Variants in MIB2 observed in about 807,000 individuals in gnomAD.
MIB2 encodes the protein MIB E3 ubiquitin protein ligase 2.
In MIB2, 78 loss-of-function variants were observed where a neutral mutation model predicts 96.6. The observed-to-expected ratio is 0.81, with a 90% CI of 0.67 to 0.97. The LOEUF is 0.97. Ranked by LOEUF, MIB2 falls within the 50% of genes least tolerant of loss-of-function variation. The pLI, the probability that MIB2 is intolerant of heterozygous loss-of-function variation, is 0.00. For missense variants in MIB2, 1,543 were observed against 1,424.0 expected (o/e 1.08, Z -1.35); for synonymous variants, 820 against 629.5 (o/e 1.30, Z -4.53).
At position 1,630,346 on chromosome 1, in the gene MIB2, TGGAGGAGCTGC is replaced by T; in HGVS notation, c.2685_2695del (p.Glu897ProfsTer?). On this transcript the variant is annotated frameshift_variant, in exon 20 of 20. Transcript: ENST00000355826. LOFTEE classifies it high-confidence loss of function. ...GCCCCCGGCCCGCCGCGCCAGCTGG[TGGAGGAGCTGC>T]AGAGCCGCTACCGGCAGATGGAGGA... The T allele has an allele frequency of 7.8e-7, 1 of 1,282,430 alleles. No individual in the cohort carries two copies. Among genetic ancestry groups the T allele is most frequent in the Non-Finnish European group, 1.0e-6 (1 of 983,220 alleles). The allele number at this position is 1,282,430 out of a possible 1,614,324, so 79.4% of individuals were successfully genotyped here. A position where few individuals can be genotyped will look rare whatever the true frequency, so the allele number is the denominator to read the frequency against.
At position 1,616,606 on chromosome 1, in the gene MIB2, G is replaced by A. The variant is rs1310094551; in HGVS notation, c.-31G>A. ...AGGCGGCCCGGCGGGCGACTGGACG[G>A]CCGGACAGGTGAGCTCTTGATCGTC... On this transcript the variant is annotated 5_prime_UTR_variant, in exon 2 of 20. Transcript: ENST00000355826. 1.3e-6 allele frequency: 2 copies of A among 1,593,146 alleles called. No individual in the cohort carries two copies. Among genetic ancestry groups the A allele is most frequent in the African/African-American group, 1.3e-5 (1 of 74,160 alleles).
rs1041322667 is a variant in MIB2, at chr1:1,623,483, G to T, written c.31G>T (p.Val11Leu). 1 of 1,584,106 alleles carries T rather than the reference G, an allele frequency of 6.3e-7. No individual in the cohort carries two copies. The change falls in exon 3 of 20, where the codon GTG becomes TTG. Residue 11 changes from valine to leucine, a missense_variant. By Grantham distance (32) the Val-to-Leu change is conservative (BLOSUM62 1). Transcript: ENST00000355826. ...CCCAGACCCCCAGGCGGGCGTGCAG[G>T]TGGGCATGCGGGTGGTGCGCGGCGT... The part of the protein sequence containing the change: MDPDPQAGVQ[V>L]GMRVVRGVDW...
chr1:1,626,951 G>C lies in MIB2; in HGVS notation c.1192G>C (p.Glu398Gln). ...CTCCTGCCTGGTGGCCTACCGGCCC[G>C]AGGAGGATGCCAACCTGGACGTGGC... ...SPSCLVAYRP[E>Q]EDANLDVAER... The change falls in exon 10 of 20, where the codon GAG becomes CAG. Residue 398 changes from glutamate to glutamine, a missense_variant. Coordinates refer to ENST00000355826, the MANE Select transcript of MIB2 (RefSeq NM_001170687.4). This position sits in a 1 kb window ranked among gnomAD's most constrained non-coding sequence, Gnocchi z 5.3. 5 of 1,611,206 alleles carry C rather than the reference G, an allele frequency of 3.1e-6. No individual in the cohort carries two copies. Among genetic ancestry groups the C allele is most frequent in the Non-Finnish European group, 4.2e-6 (5 of 1,179,574 alleles).
At chr1:1,614,330 C>T (rs1643416446), upstream of MIB2, 1 of 152,270 alleles carries the variant, frequency 6.6e-6, no homozygotes. Flanking sequence ...GGACTTACTG[C>T]AGGGAAATTC....
At chr1:1,623,321 G>C (rs910280690) in intron 2 of MIB2, 110 bp from the exon 3 acceptor site, 2 of 1,475,556 alleles carry the variant, frequency 1.4e-6, no homozygotes, top group African/African-American at 2.9e-5. Flanking sequence ...GGGCCTCTCT[G>C]CTCTCCCGCG....
chr1:1,616,048 C>T (rs111715097), intron 1 of MIB2: 340,421 of 984,022 alleles, frequency 0.35, 62,633 homozygotes, highest in Non-Finnish European at 0.38. Context: ...CGGTCCCGCG[C>T]CCCCGAGCGG....
At position 1,625,709 on chromosome 1, in the gene MIB2, T is replaced by C. The variant is rs1244159192; in HGVS notation, c.972+56T>C. On this transcript the variant is annotated intron_variant, in intron 8 of 19. Transcript: ENST00000355826. This position sits in a 1 kb window ranked among gnomAD's most constrained non-coding sequence, Gnocchi z 5.0. ...GCTTGCTTCTGTAACCCCTTCCACG[T>C]ACCCCCTTGGCCTTGGGGGGTCAGG... is the stretch of plus-strand genomic sequence containing the variant. 8 of 1,429,382 alleles carry C rather than the reference T, an allele frequency of 5.6e-6. No individual in the cohort carries two copies. Among genetic ancestry groups the C allele is most frequent in the Admixed American group, 2.0e-5 (1 of 50,276 alleles). The allele number at this position is 1,429,382 out of a possible 1,614,324, so 88.5% of individuals were successfully genotyped here. A position where few individuals can be genotyped will look rare whatever the true frequency, so the allele number is the denominator to read the frequency against.
At position 1,625,622 on chromosome 1, in the gene MIB2, G is replaced by A. The variant is rs1310519365; in HGVS notation, c.941G>A (p.Arg314His). The stretch of plus-strand genomic sequence containing the variant: ...CGCGTGCAGTTCAACCACGAGACGC[G>A]CTGGACCTTCCACCCCGGGGCGCTC... ...DVRVQFNHET[R>H]WTFHPGALTK... The change falls in exon 8 of 20, where the codon CGC (arginine) becomes CAC (histidine). Residue 314 changes from arginine to histidine, a missense_variant. Arg to His is a conservative substitution (Grantham distance 29). Transcript: ENST00000355826. This position sits in a 1 kb window ranked among gnomAD's most constrained non-coding sequence, Gnocchi z 5.0. 7.0e-6 allele frequency: 11 copies of A among 1,570,822 alleles called. No individual in the cohort carries two copies. The highest frequency in any genetic ancestry group is 2.4e-5 in the East Asian group (1 of 42,400).
In MIB2 at chr1:1,628,299, C is replaced by G. The variant is rs746526676; in HGVS notation, c.1868C>G (p.Ala623Gly). 2.5e-6 allele frequency: 4 copies of G among 1,612,978 alleles called. No homozygotes were observed. The highest frequency in any genetic ancestry group is 3.4e-6 in the Non-Finnish European group (4 of 1,179,960). ...GCTGTGAGAAAGATTCTGGCTCGGG[C>G]GCGGCAGCTGGTGGACGCCAAGAAG... The part of the protein sequence containing the change: ...ALAVRKILAR[A>G]RQLVDAKKED... Residue 623 changes from alanine to glycine, a missense_variant, in exon 15 of 20, where the codon GCG (alanine) becomes GGG (glycine). Physicochemically the swap from Ala to Gly is moderately conservative, Grantham distance 60 (BLOSUM62 0). Coordinates refer to ENST00000355826, the MANE Select transcript of MIB2 (RefSeq NM_001170687.4).
rs766963108 is a variant in MIB2, at chr1:1,627,277, C to T, written c.1375-19C>T. ...GAGGGGCAGAGGGCCAGGGACTCAC[C>T]TGCTGGCACTCTTGGCAGGTGGACA... On this transcript the variant is annotated intron_variant, in intron 11 of 19. Transcript: ENST00000355826. 1.2e-6 allele frequency: 2 copies of T among 1,613,206 alleles called. No homozygotes were observed. The highest frequency in any genetic ancestry group is 2.2e-5 in the East Asian group (1 of 44,876).
At chr1:1,614,151 T>C (rs1643404523), upstream of MIB2, 1 of 152,246 alleles carries the variant, frequency 6.6e-6, no homozygotes, top group African/African-American at 2.4e-5. Flanking sequence ...CTAAGCCTGA[T>C]TTCATCACGA....
intron 16 of MIB2, 113 bp from the exon 17 acceptor site, chr1:1,629,020 G>A: frequency 1.7e-6 from 2 of 1,186,738 alleles, no homozygotes; most frequent in Non-Finnish European, 1.1e-6. Flanking sequence ...AGGTGCCCTT[G>A]CCTTGTATTT....
chr1:1,623,226 C>T (rs571393313), intron 2 of MIB2: 24 of 839,470 alleles, frequency 2.9e-5, no homozygotes, highest in Middle Eastern at 3.7e-4. Flanking sequence ...GCTGGCACGG[C>T]GCCCGCCTTT....
Position 1,630,605 on chromosome 1 carries a change from A to T in MIB2, c.*75A>T, listed in dbSNP as rs1320629766. On this transcript the variant is annotated 3_prime_UTR_variant, in exon 20 of 20. Coordinates refer to ENST00000355826, the MANE Select transcript of MIB2 (RefSeq NM_001170687.4). ...GTTTTATAAAAAGAAAGATTCTCGG[A>T]CGTTGCCTCTGCTGTCTGCCTGGGG... is the stretch of plus-strand genomic sequence containing the variant. 2 of 1,243,174 alleles carry T rather than the reference A, an allele frequency of 1.6e-6. No homozygotes were observed. Among genetic ancestry groups the T allele is most frequent in the East Asian group, 2.8e-5 (1 of 35,472 alleles). 77.0% of individuals were successfully genotyped at this position (1,243,174 alleles called of 1,614,324 possible).
intron 1 of MIB2, 193 bp from the exon 2 acceptor site, chr1:1,616,315 T>G (rs1643667918): frequency 4.5e-6 from 2 of 448,316 alleles, no homozygotes; most frequent in Non-Finnish European, 3.7e-6. Context: ...GCGCACGCAA[T>G]TACGGGCCCG....
intron 16 of MIB2, 167 bp from the exon 17 acceptor site, chr1:1,628,966 C>T (rs562922542): frequency 3.9e-6 from 3 of 777,896 alleles, no homozygotes; most frequent in Admixed American, 3.5e-5. Flanking sequence ...CAGAGCTCAC[C>T]TAGCAGGGCG....
rs761328846 is a variant in MIB2 at position 1,630,531 on chromosome 1, GC to G, written c.*3del. On this transcript the variant is annotated 3_prime_UTR_variant, in exon 20 of 20. Transcript: ENST00000355826. Reference sequence around the variant, plus strand: ...CGACCGCATCCAGATCTTCGTGTGAGCCGCGCCGTCCGCCGCGCCCGAGCTG... The same window carrying G: ...CGACCGCATCCAGATCTTCGTGTGAGCGCGCCGTCCGCCGCGCCCGAGCTG... 2 of 1,565,130 alleles carry G rather than the reference GC, an allele frequency of 1.3e-6. No individual in the cohort carries two copies. The highest frequency in any genetic ancestry group is 4.7e-5 in the East Asian group (2 of 42,332).
rs558357494 is a variant in MIB2, at chr1:1,624,985, C to T, written c.527-6C>T. 3 of 1,609,686 alleles carry T rather than the reference C, an allele frequency of 1.9e-6. No homozygotes were observed. Among genetic ancestry groups the T allele is most frequent in the East Asian group, 2.2e-5 (1 of 44,792 alleles). The stretch of plus-strand genomic sequence containing the variant: ...CTTAGCCTGCTGGGGGGGCCTCTTT[C>T]CCCAGGAGGGGAAGGGAAACCGGGC... On this transcript the variant is annotated splice_region_variant and splice_polypyrimidine_tract_variant and intron_variant, in intron 5 of 19. Coordinates refer to ENST00000355826, the MANE Select transcript of MIB2 (RefSeq NM_001170687.4).
chr1:1,623,469 A>G lies in MIB2; in HGVS notation c.17A>G (p.Gln6Arg). The change falls in exon 3 of 20, where the codon CAG becomes CGG. Residue 6 changes from glutamine (Q) to arginine (R), a missense_variant. By Grantham distance (43) the Gln-to-Arg change is conservative. Transcript: ENST00000355826. ...CCGCCCAACATGGACCCAGACCCCC[A>G]GGCGGGCGTGCAGGTGGGCATGCGG... is the stretch of plus-strand genomic sequence containing the variant. The part of the protein sequence containing the change: MDPDP[Q>R]AGVQVGMRVV... The G allele has an allele frequency of 6.3e-7, 1 of 1,594,264 alleles. No homozygotes were observed. The highest frequency in any genetic ancestry group is 8.5e-7 in the Non-Finnish European group (1 of 1,172,154).
Sources: allele counts gnomAD v4.1 joint callset, GRCh38; gene constraint gnomAD v4.1.1; non-coding constraint Gnocchi (gnomAD v3.1); transcripts MANE v1.5; gene names NCBI Gene and HGNC (gene_info 2026-07-23, HGNC 2026-07-21).